DCDC2: variants seen among roughly 807,000 people sequenced by gnomAD.
DCDC2 encodes doublecortin domain-containing protein 2.
DCDC2 carries 40 observed loss-of-function variants against 50.2 expected under a neutral mutation model. That is an observed-to-expected ratio of 0.80 (90% confidence interval 0.62 to 1.04). DCDC2 has a LOEUF of 1.04. Among genes scored for constraint, DCDC2 ranks in the 50% least tolerant of loss-of-function variants. The pLI, the probability that DCDC2 is intolerant of heterozygous loss-of-function variation, is 0.00. For missense variants in DCDC2, 570 were observed against 581.9 expected (o/e 0.98, Z 0.21); for synonymous variants, 234 against 210.6 (o/e 1.11, Z -0.96).
intron 7 of DCDC2, among the ~76,000 whole-genome samples, chr6:24,231,864 TCTC>T (rs775862927): frequency 9.3e-4 from 142 of 152,172 alleles, no homozygotes; most frequent in Non-Finnish European, 1.9e-3. Context: ...AATTTTATCT[TCTC>T]CTCTGAATAT....
chr6:24,231,280 C>A (rs1012965107), intron 7 of DCDC2, among the ~76,000 whole-genome samples: 2 of 152,262 alleles, frequency 1.3e-5, no homozygotes, highest in Admixed American at 1.3e-4. Context: ...CTTGCCTGAC[C>A]TGCTCACCCC....
At chr6:24,229,208 A>G (rs564370026) in intron 7 of DCDC2, among the ~76,000 whole-genome samples, 3 of 152,266 alleles carry the variant, frequency 2.0e-5, no homozygotes, top group East Asian at 1.9e-4. Context: ...TGGCAGGACT[A>G]TGTTCCTTCT....
the DCDC2 span, among the ~76,000 whole-genome samples, chr6:24,367,129 C>T: frequency 6.6e-6 from 1 of 152,206 alleles, no homozygotes; most frequent in Admixed American, 6.5e-5. Context: ...AGACACCATG[C>T]CTGGCTAAAT....
chr6:24,243,126 A>C (rs1207339341), intron 7 of DCDC2, among the ~76,000 whole-genome samples: 3 of 152,216 alleles, frequency 2.0e-5, no homozygotes, highest in African/African-American at 7.2e-5. Flanking sequence ...CAGAAGAGAA[A>C]AATTTAAAGG....
chr6:24,183,301 A>AT (rs1475247622), intron 8 of DCDC2, among the ~76,000 whole-genome samples: 7 of 152,384 alleles, frequency 4.6e-5, no homozygotes, highest in African/African-American at 1.7e-4. Context: ...TAAATATGCC[A>AT]TTATGAGTAT....
intron 7 of DCDC2, among the ~76,000 whole-genome samples, chr6:24,230,327 T>C (rs577329454): frequency 7.3e-5 from 11 of 151,598 alleles, no homozygotes; most frequent in South Asian, 2.1e-4. Flanking sequence ...ACAGTAGTAA[T>C]TGAAAACAAC....
rs547128645 is a variant in DCDC2 at position 24,334,244 on chromosome 6, C to A, written c.348+19325G>T. On this transcript the variant is annotated intron_variant, in intron 2 of 9. Transcript: ENST00000378454. ...AAATGAAAAAAACAAAGGTATTGTT[C>A]TTTTATCATGGGTATACTTACTGGA... Among the ~76,000 whole-genome samples the A allele has an allele frequency of 3.3e-5, 5 of 152,250 alleles. No individual in the cohort carries two copies. The South Asian group carries it at 1.0e-3, about 32-fold the overall frequency.
intron 7 of DCDC2, among the ~76,000 whole-genome samples, chr6:24,230,576 C>T (rs1034400876): frequency 3.9e-5 from 6 of 152,016 alleles, no homozygotes; most frequent in African/African-American, 1.4e-4. Context: ...CCCGGGAGTT[C>T]GAGGCTGCAG....
chr6:24,351,905 A>G (rs1484938375), intron 2 of DCDC2, among the ~76,000 whole-genome samples: 1 of 152,164 alleles, frequency 6.6e-6, no homozygotes, highest in Non-Finnish European at 1.5e-5. Context: ...GGAGTTCAAG[A>G]CCAGCCTGAC....
intron 9 of DCDC2, 64 bp downstream of exon 9, chr6:24,178,266 T>G (rs1760969502): frequency 6.7e-7 from 1 of 1,493,816 alleles, no homozygotes; most frequent in Admixed American, 1.9e-5. Context: ...ATTCTCTGAA[T>G]GCACGCATGT....
intron 8 of DCDC2, among the ~76,000 whole-genome samples, chr6:24,186,527 T>TCC (rs145206898): frequency 6.6e-6 from 1 of 152,168 alleles, no homozygotes; most frequent in African/African-American, 2.4e-5. Flanking sequence ...AGAACAGTGG[T>TCC]CCCCTCAGTA....
intron 7 of DCDC2, among the ~76,000 whole-genome samples, chr6:24,248,817 T>C (rs1317466420): frequency 1.3e-5 from 2 of 152,104 alleles, no homozygotes; most frequent in Non-Finnish European, 2.9e-5. Flanking sequence ...AAATATTAAA[T>C]TAAAAATGGA....
chr6:24,182,629 GA>G (rs71002473), intron 8 of DCDC2, among the ~76,000 whole-genome samples: 8 of 105,924 alleles, frequency 7.6e-5, no homozygotes, highest in East Asian at 6.6e-4. Context: ...ATGATGACAA[GA>G]AAAAAAAAAA....
intron 2 of DCDC2, among the ~76,000 whole-genome samples, chr6:24,338,933 C>T (rs1246067286): frequency 6.6e-6 from 1 of 152,152 alleles, no homozygotes; most frequent in Non-Finnish European, 1.5e-5. Flanking sequence ...TGTGAGCCAC[C>T]ATGCCCAGCA....
At chr6:24,227,437 A>T (rs543270017) in intron 7 of DCDC2, among the ~76,000 whole-genome samples, 1 of 152,300 alleles carries the variant, frequency 6.6e-6, no homozygotes, top group South Asian at 2.1e-4. Flanking sequence ...ATTATCAAGA[A>T]ATCTAACTAA....
At position 24,178,403 on chromosome 6, in the gene DCDC2, T is replaced by C. The variant is rs772289717; in HGVS notation, c.1253A>G (p.Gln418Arg). 3 of 1,614,216 alleles carry C rather than the reference T, an allele frequency of 1.9e-6. No homozygotes were observed. The highest frequency in any genetic ancestry group is 1.7e-6 in the Non-Finnish European group (2 of 1,180,044). ...TDEENGEELQ[Q>R]VNNELQLVLD... ...GACCAGTTGAAGCTCATTATTAACC[T>C]GCTGCAGCTCCTCACCATTCTCCTC... The change falls in exon 9 of 10, where the codon CAG (glutamine) becomes CGG (arginine). Residue 418 changes from glutamine to arginine, a missense_variant. By Grantham distance (43) the Gln-to-Arg change is conservative. Transcript: ENST00000378454.
At chr6:24,274,282 A>C (rs567032548) in intron 7 of DCDC2, among the ~76,000 whole-genome samples, 1 of 152,310 alleles carries the variant, frequency 6.6e-6, no homozygotes, top group East Asian at 1.9e-4. Context: ...AATTGATATG[A>C]TCAATCATCC....
At chr6:24,230,894 T>C (rs1285908499) in intron 7 of DCDC2, among the ~76,000 whole-genome samples, 1 of 152,270 alleles carries the variant, frequency 6.6e-6, no homozygotes, top group East Asian at 1.9e-4. Flanking sequence ...CTTCATTTTC[T>C]GTCTTAAGGC....
chr6:24,341,213 A>G (rs1012653463), intron 2 of DCDC2, among the ~76,000 whole-genome samples: 2 of 152,244 alleles, frequency 1.3e-5, no homozygotes, highest in African/African-American at 4.8e-5. Flanking sequence ...GTTCCAGGTT[A>G]AACATTAGAC....
Sources: allele counts gnomAD v4.1 joint callset (sites outside exome capture counted in the v4.1 genomes callset), GRCh38; gene constraint gnomAD v4.1.1; transcripts MANE v1.5; gene names NCBI Gene and HGNC (gene_info 2026-07-23, HGNC 2026-07-21).